The following NPR3 variants were observed in gnomAD, a reference collection of about 807,000 sequenced individuals.
NPR3 encodes atrial natriuretic peptide receptor 3.
Under a neutral mutation model 54.5 loss-of-function variants are expected in NPR3, and 34 were observed. That is an observed-to-expected ratio of 0.62 (90% CI 0.47 to 0.83). The LOEUF (loss-of-function observed/expected upper bound fraction) is 0.83, where lower values mean the gene tolerates loss of function less well. Ranked by LOEUF, NPR3 falls within the 40% of genes least tolerant of loss-of-function variation. The pLI, the probability that NPR3 is intolerant of heterozygous loss-of-function variation, is 0.00. For missense variants in NPR3, 674 were observed against 720.8 expected (o/e 0.94, Z 0.74); for synonymous variants, 289 against 297.1 (o/e 0.97, Z 0.28).
rs369893461 is a variant in NPR3 at position 32,711,983 on chromosome 5, C to G, written c.207C>G (p.Leu69=). Residue 69 remains leucine (L), a synonymous_variant, in exon 1 of 8, where the codon CTC becomes CTG. Coordinates refer to ENST00000265074, the MANE Select transcript of NPR3 (RefSeq NM_001204375.2). ...AGGATGACTCGTACTTGTTTTCACT[C>G]ACCCGGGTGCGGCCGGCCATCGAGT... ...LPQDDSYLFS[L]TRVRPAIEYA... 1.2e-5 allele frequency: 20 copies of G among 1,609,394 alleles called. No homozygotes were observed. The African/African-American group carries it at 2.5e-4, about 20-fold the overall frequency.
chr5:32,737,013 C>T (rs1218786004), intron 2 of NPR3, among the ~76,000 whole-genome samples: 1 of 152,162 alleles, frequency 6.6e-6, no homozygotes, highest in Non-Finnish European at 1.5e-5. Flanking sequence ...TGCCTTTTCT[C>T]GGGCTCTAGA....
chr5:32,721,459 A>T (rs561420786), intron 1 of NPR3, among the ~76,000 whole-genome samples: 1 of 152,294 alleles, frequency 6.6e-6, no homozygotes, highest in South Asian at 2.1e-4. Context: ...CCTGGCCAAC[A>T]TGACAAAACT....
At chr5:32,704,824 T>C (rs1056226503), upstream of NPR3, among the ~76,000 whole-genome samples, 11 of 152,250 alleles carry the variant, frequency 7.2e-5, 1 homozygote, top group Admixed American at 7.2e-4. Flanking sequence ...AGGAAAGTTT[T>C]CTAAAATTTG....
upstream of NPR3, among the ~76,000 whole-genome samples, chr5:32,708,911 CTT>C (rs550658964): frequency 1.2e-3 from 160 of 139,058 alleles, no homozygotes; most frequent in African/African-American, 3.9e-3. Flanking sequence ...ATAACACTGG[CTT>C]TTTTTTTTTT....
upstream of NPR3, among the ~76,000 whole-genome samples, chr5:32,707,464 C>T (rs1738026450): frequency 1.3e-5 from 2 of 152,040 alleles, no homozygotes; most frequent in Non-Finnish European, 1.5e-5. Flanking sequence ...TTTTTCCCCA[C>T]TTCTTGAATA....
At position 32,786,331 on chromosome 5, in the gene NPR3, T is replaced by C; in HGVS notation, c.1612T>C (p.Phe538Leu). 1 of 1,514,490 alleles carries C rather than the reference T, an allele frequency of 6.6e-7. No individual in the cohort carries two copies. The highest frequency in any genetic ancestry group is 2.3e-5 in the East Asian group (1 of 44,020). The allele number at this position is 1,514,490 out of a possible 1,614,324, so 93.8% of individuals were successfully genotyped here. ...ELREDSIRSH[F>L]SVA ...ACGGGAAGATTCCATCAGATCCCAT[T>C]TTTCAGTAGCTTAAAGGAAGCCCCC... Residue 538 changes from phenylalanine (F) to leucine (L), a missense_variant, in exon 8 of 8, where the codon TTT becomes CTT. Coordinates refer to ENST00000265074, the MANE Select transcript of NPR3 (RefSeq NM_001204375.2).
intron 3 of NPR3, among the ~76,000 whole-genome samples, chr5:32,767,019 C>T (rs1741507192): frequency 6.6e-6 from 1 of 152,222 alleles, no homozygotes; most frequent in South Asian, 2.1e-4. Flanking sequence ...GGTGCAGTTT[C>T]TGTTCCTCCC....
intron 2 of NPR3, among the ~76,000 whole-genome samples, chr5:32,730,939 AT>A (rs1418958573): frequency 6.6e-6 from 1 of 151,964 alleles, no homozygotes; most frequent in Non-Finnish European, 1.5e-5. Flanking sequence ...TTTCAACAAG[AT>A]TTTTTTTAGA....
At chr5:32,783,342 T>G (rs1742437181) in intron 6 of NPR3, 1 of 226,096 alleles carries the variant, frequency 4.4e-6, no homozygotes, top group Non-Finnish European at 8.6e-6. Context: ...CCCTTATTCA[T>G]CTGTCACAGC....
chr5:32,731,789 G>A (rs1739462562), intron 2 of NPR3, among the ~76,000 whole-genome samples: 1 of 152,124 alleles, frequency 6.6e-6, no homozygotes. Flanking sequence ...ACCTAACCAA[G>A]ACGTCCAGTT....
chr5:32,710,655 G>A (rs28513089), upstream of NPR3: 10,244 of 1,501,148 alleles, frequency 6.8e-3, 621 homozygotes, highest in African/African-American at 0.13. Context: ...GGGCACACCA[G>A]GTCCGCGATG....
intron 2 of NPR3, among the ~76,000 whole-genome samples, chr5:32,727,632 T>A (rs1267921866): frequency 6.6e-6 from 1 of 152,202 alleles, no homozygotes; most frequent in African/African-American, 2.4e-5. Flanking sequence ...TCTTAGTATT[T>A]TATGTTTTTT....
intron 3 of NPR3, among the ~76,000 whole-genome samples, chr5:32,747,728 C>T (rs74619058): frequency 0.07 from 10,650 of 151,464 alleles, 526 homozygotes; most frequent in Middle Eastern, 0.14. Context: ...TAAATTTCCC[C>T]GTGGTTTTGA....
intron 3 of NPR3, among the ~76,000 whole-genome samples, chr5:32,757,746 A>G (rs1290224410): frequency 1.3e-5 from 2 of 152,176 alleles, no homozygotes; most frequent in Non-Finnish European, 2.9e-5. Context: ...TTTGTCATAA[A>G]TAGCTCTTAT....
At chr5:32,714,054 C>G (rs1008107548) in intron 1 of NPR3, among the ~76,000 whole-genome samples, 4 of 152,256 alleles carry the variant, frequency 2.6e-5, no homozygotes, top group African/African-American at 9.6e-5. Context: ...CAGGTTACTG[C>G]AGCCTCCACG....
At chr5:32,727,578 G>T (rs13180728) in intron 2 of NPR3, among the ~76,000 whole-genome samples, 28,878 of 151,974 alleles carry the variant, frequency 0.19, 3,734 homozygotes, top group Non-Finnish European at 0.28. Flanking sequence ...GCAAAGTTTT[G>T]CAGTTTTCTC....
intron 2 of NPR3, among the ~76,000 whole-genome samples, chr5:32,730,692 T>C (rs763362006): frequency 6.6e-5 from 10 of 152,266 alleles, no homozygotes; most frequent in Middle Eastern, 3.4e-3. Context: ...AACATGTAGA[T>C]GCCAAAATCA....
At chr5:32,760,765 G>T (rs767303644) in intron 3 of NPR3, among the ~76,000 whole-genome samples, 1 of 151,256 alleles carries the variant, frequency 6.6e-6, no homozygotes, top group Non-Finnish European at 1.5e-5. Context: ...AAGTCACAAA[G>T]ATATTTTCTG....
At chr5:32,737,152 C>A (rs759956043) in intron 2 of NPR3, among the ~76,000 whole-genome samples, 5 of 152,168 alleles carry the variant, frequency 3.3e-5, no homozygotes, top group African/African-American at 4.8e-5. Context: ...ACAGTTAGGA[C>A]CTTTCTAATG....
Sources: gnomAD v4.1 joint callset for allele counts (sites outside exome capture counted in the v4.1 genomes callset) on GRCh38, gnomAD v4.1.1 for gene constraint, MANE v1.5 for transcripts, NCBI Gene and HGNC (gene_info 2026-07-23, HGNC 2026-07-21) for gene names.